The following HMGCS1 variants were observed in gnomAD, a reference collection of about 807,000 sequenced individuals.
HMGCS1 encodes the protein 3-hydroxy-3-methylglutaryl-CoA synthase 1.
A neutral mutation model predicts 52.3 loss-of-function variants in HMGCS1; 9 were observed. The observed-to-expected ratio is 0.17, with a 90% CI of 0.10 to 0.30. HMGCS1 has a LOEUF of 0.30. Among genes scored for constraint, HMGCS1 ranks in the 10% least tolerant of loss-of-function variants. The pLI is 1.00. For synonymous variants in HMGCS1, 176 were observed against 214.4 expected (o/e 0.82, Z 1.57); for missense variants, 320 against 620.9 (o/e 0.52, Z 5.15).
At position 43,294,398 on chromosome 5, in the gene HMGCS1, C is replaced by G. The variant is rs183484968; in HGVS notation, c.1077-236G>C. The G allele has an allele frequency of 5.8e-6, 3 of 515,182 alleles. No individual in the cohort carries two copies. In the Admixed American group the frequency reaches 1.1e-4, roughly 18 times the overall value. The allele number at this position is 515,182 out of a possible 1,614,324, so 31.9% of individuals were successfully genotyped here. On this transcript the variant is annotated intron_variant, in intron 7 of 10. Coordinates refer to ENST00000325110, the MANE Select transcript of HMGCS1 (RefSeq NM_001098272.3). ...ATGACAGAGCTTGTGAAAGTCATGCCACAAAACAAGTTACTTCATCAACCA... is the reference window on the plus strand; with the variant it reads ...ATGACAGAGCTTGTGAAAGTCATGCGACAAAACAAGTTACTTCATCAACCA...
chr5:43,302,910 C>G (rs1250102030), intron 2 of HMGCS1, among the ~76,000 whole-genome samples: 2 of 152,184 alleles, frequency 1.3e-5, no homozygotes, highest in Non-Finnish European at 2.9e-5. Context: ...ACAACTCTGA[C>G]TCCAAAAACA....
At chr5:43,296,913 G>T in intron 5 of HMGCS1, 89 bp downstream of exon 5, 1 of 862,116 alleles carries the variant, frequency 1.2e-6, no homozygotes, top group Non-Finnish European at 1.8e-6. Context: ...AATGAAGAAT[G>T]CCCACAAAGT....
intron 1 of HMGCS1, among the ~76,000 whole-genome samples, chr5:43,310,355 G>C (rs1313936560): frequency 6.6e-6 from 1 of 152,214 alleles, no homozygotes; most frequent in Non-Finnish European, 1.5e-5. Context: ...CACTTCTACA[G>C]AGGTAGGTCA....
chr5:43,312,788 A>C (rs149111922), intron 1 of HMGCS1, among the ~76,000 whole-genome samples: 2 of 152,346 alleles, frequency 1.3e-5, no homozygotes, highest in African/African-American at 4.8e-5. Context: ...CCAGGTCTAA[A>C]TCACGGTTGT....
At chr5:43,300,236 G>C (rs1219301368) in intron 2 of HMGCS1, among the ~76,000 whole-genome samples, 1 of 152,200 alleles carries the variant, frequency 6.6e-6, no homozygotes. Context: ...GAGTGGCACA[G>C]CTCCTCAGTT....
intron 8 of HMGCS1, chr5:43,293,690 A>G (rs1477554677): frequency 6.2e-6 from 1 of 160,082 alleles, no homozygotes; most frequent in Non-Finnish European, 1.4e-5. Context: ...TGCTAAATCA[A>G]CTTCCCCAGA....
At chr5:43,294,628 G>C (rs1193288997) in intron 7 of HMGCS1, 63 bp downstream of exon 7, 1 of 1,262,012 alleles carries the variant, frequency 7.9e-7, no homozygotes, top group Non-Finnish European at 1.1e-6. Flanking sequence ...ACTAGATTTG[G>C]TCTTAGAAAT....
Position 43,295,924 on chromosome 5 carries a change from G to A in HMGCS1, c.740-7C>T. On this transcript the variant is annotated splice_polypyrimidine_tract_variant and splice_region_variant and intron_variant, in intron 5 of 10. Transcript: ENST00000325110. ...AAATCTTTATCATTTCCCTCTGAAA[G>A]AGAAGTCCAAGGAAACTATGAAATT... 1.2e-6 allele frequency: 2 copies of A among 1,606,446 alleles called. No individual in the cohort carries two copies. The highest frequency in any genetic ancestry group is 1.7e-6 in the Non-Finnish European group (2 of 1,174,422).
chr5:43,298,904 G>C lies in HMGCS1; in HGVS notation c.62C>G (p.Ala21Gly), dbSNP rs755388590. 2 of 1,614,030 alleles carry C rather than the reference G, an allele frequency of 1.2e-6. No individual in the cohort carries two copies. Among genetic ancestry groups the C allele is most frequent in the South Asian group, 1.1e-5 (1 of 91,082 alleles). ...TTGAGAAGGAAAATAGATCTCAAGG[G>C]CAACAATTCCCACATCTTTTGGCCA... is the stretch of plus-strand genomic sequence containing the variant. The part of the protein sequence containing the change: ...ACWPKDVGIV[A>G]LEIYFPSQYV... Residue 21 changes from alanine (A) to glycine (G), a missense_variant, in exon 3 of 11, where the codon GCC becomes GGC. Around this residue, in one of 3 missense-constraint regions of HMGCS1, gnomAD observed 22 missense variants for 23.5 expected, o/e 0.94. Transcript: ENST00000325110. The surrounding 1 kb of genome is among the most constrained non-coding windows in gnomAD (Gnocchi z 5.6).
chr5:43,310,849 A>G lies in HMGCS1; in HGVS notation c.-70+2507T>C, dbSNP rs142442390. 2.5e-3 allele frequency among the ~76,000 whole-genome samples: 383 copies of G among 152,362 alleles called. 5 individuals are homozygous for G. The highest frequency in any genetic ancestry group is 8.9e-3 in the African/African-American group (368 of 41,580). On this transcript the variant is annotated intron_variant, in intron 1 of 10. Coordinates refer to ENST00000325110, the MANE Select transcript of HMGCS1 (RefSeq NM_001098272.3). Reference sequence around the variant, plus strand: ...AAATGTAAGAAGCCCATATGGAATCAGAAAACATTTGTTGGTCTTACAATC... The same window carrying G: ...AAATGTAAGAAGCCCATATGGAATCGGAAAACATTTGTTGGTCTTACAATC...
chr5:43,293,925 G>C (rs1013591540), intron 8 of HMGCS1, 131 bp downstream of exon 8: 7 of 612,820 alleles, frequency 1.1e-5, no homozygotes, highest in African/African-American at 3.7e-5. Context: ...ATGTTAGCCA[G>C]ACTGGTCTCG....
Position 43,298,401 on chromosome 5 carries a change from T to G in HMGCS1, c.448+117A>C, listed in dbSNP as rs191250986. On this transcript the variant is annotated intron_variant, in intron 3 of 10. Transcript: ENST00000325110. This position sits in a 1 kb window ranked among gnomAD's most constrained non-coding sequence, Gnocchi z 5.6. ...CAGGTAAAATATCTTTCTTAATATATCCAAACAAGGACAAATTACAAAAGT... is the reference window on the plus strand; with the variant it reads ...CAGGTAAAATATCTTTCTTAATATAGCCAAACAAGGACAAATTACAAAAGT... The G allele has an allele frequency of 4.0e-6, 3 of 750,462 alleles. No individual in the cohort carries two copies. In the East Asian group the frequency reaches 7.9e-5, roughly 20 times the overall value. 46.5% of individuals were successfully genotyped at this position (750,462 alleles called of 1,614,324 possible).
At position 43,292,636 on chromosome 5, in the gene HMGCS1, G is replaced by A. The variant is rs1753834722; in HGVS notation, c.1311C>T (p.Val437=). 6.2e-7 allele frequency: 1 copy of A among 1,609,400 alleles called. No homozygotes were observed. Among genetic ancestry groups the A allele is most frequent in the Non-Finnish European group, 8.5e-7 (1 of 1,176,084 alleles). The change falls in exon 10 of 11, where the codon GTC becomes GTT. Residue 437 remains valine (V), a splice_region_variant and synonymous_variant. Coordinates refer to ENST00000325110, the MANE Select transcript of HMGCS1 (RefSeq NM_001098272.3). ...MKLREDTHHL[V]NYIPQGSIDS... ...CTATTGAACCCTGGGGAATATAGTT[G>A]ACTAAAGGAAAGGGAGAGAATATCT...
intron 1 of HMGCS1, chr5:43,312,915 C>T (rs530488547): frequency 1.3e-5 from 2 of 152,446 alleles, no homozygotes; most frequent in East Asian, 3.9e-4. Flanking sequence ...CAGCCTCCGT[C>T]TAAAGAGGAT....
At chr5:43,294,285 T>C in intron 7 of HMGCS1, 123 bp from the exon 8 acceptor site, 1 of 650,300 alleles carries the variant, frequency 1.5e-6, no homozygotes, top group Non-Finnish European at 2.8e-6. Flanking sequence ...CTTAAAGTTT[T>C]AAGGATCTAA....
intron 1 of HMGCS1, among the ~76,000 whole-genome samples, chr5:43,310,049 T>A (rs1213710628): frequency 6.6e-6 from 1 of 152,242 alleles, no homozygotes; most frequent in African/African-American, 2.4e-5. Context: ...AACAGTTACC[T>A]ATTGATCTTT....
chr5:43,309,535 TG>T (rs1324811868), intron 1 of HMGCS1, among the ~76,000 whole-genome samples: 1 of 152,160 alleles, frequency 6.6e-6, no homozygotes, highest in Non-Finnish European at 1.5e-5. Flanking sequence ...CCACCTTGCC[TG>T]GGCCCCTCTT....
intron 2 of HMGCS1, among the ~76,000 whole-genome samples, chr5:43,303,592 C>T (rs1025546174): frequency 1.3e-5 from 2 of 152,234 alleles, no homozygotes; most frequent in African/African-American, 2.4e-5. Flanking sequence ...GTCCAAGCTC[C>T]TTAAGGTCTC....
intron 2 of HMGCS1, among the ~76,000 whole-genome samples, chr5:43,303,291 G>C (rs1485374152): frequency 6.6e-6 from 1 of 152,230 alleles, no homozygotes; most frequent in East Asian, 1.9e-4. Flanking sequence ...GGGGCCTTTG[G>C]AAAATAATCA....
Sources: allele counts gnomAD v4.1 joint callset (sites outside exome capture counted in the v4.1 genomes callset), GRCh38; gene constraint gnomAD v4.1.1; regional missense constraint gnomAD v4.1.1; non-coding constraint Gnocchi (gnomAD v3.1); transcripts MANE v1.5; gene names NCBI Gene and HGNC (gene_info 2026-07-23, HGNC 2026-07-21).